The following TEX11 variants were observed in gnomAD, a reference collection of about 807,000 sequenced individuals.
The protein encoded by TEX11 is testis expressed 11.
A neutral mutation model predicts 84.4 loss-of-function variants in TEX11; 7 were observed. The ratio of observed to expected loss-of-function variants is 0.08; its 90% CI spans 0.05 to 0.16. TEX11 has a LOEUF of 0.16. Among genes scored for constraint, TEX11 ranks in the 10% least tolerant of loss-of-function variants. The probability of loss-of-function intolerance (pLI) is 1.00; values close to 1 mark genes in which losing one functional copy is unlikely to be tolerated. For synonymous variants in TEX11, 264 were observed against 222.8 expected, an observed-to-expected ratio of 1.18 and a Z score of -1.64; for missense variants, 551 against 660.5, an observed-to-expected ratio of 0.83 and a Z score of 1.82.
intron 8 of TEX11, among the ~76,000 whole-genome samples, chrX:70,819,563 T>C (rs957199405): frequency 3.6e-5 from 4 of 110,606 alleles, no homozygotes; most frequent in African/African-American, 9.9e-5. Flanking sequence ...CTATTCAACA[T>C]AGTACTAGAA....
chrX:70,622,608 G>T (rs2089408116), intron 20 of TEX11, among the ~76,000 whole-genome samples: 1 of 111,626 alleles, frequency 9.0e-6, no homozygotes, highest in African/African-American at 3.3e-5. Context: ...TATAGTCCTA[G>T]CCCTAAAGGT....
chrX:70,613,362 G>A (rs1051197521), intron 20 of TEX11, among the ~76,000 whole-genome samples: 6 of 111,859 alleles, frequency 5.4e-5, no homozygotes, highest in Non-Finnish European at 9.4e-5. Context: ...GCTGCCTGGT[G>A]CAGAGAAATC....
At chrX:70,758,104 C>A (rs1044496804) in intron 9 of TEX11, among the ~76,000 whole-genome samples, 1 of 111,707 alleles carries the variant, frequency 9.0e-6, no homozygotes, top group Admixed American at 9.5e-5. Flanking sequence ...CCCAATACAG[C>A]AGCACCCAGA....
At chrX:70,663,462 G>A (rs943520799) in intron 16 of TEX11, among the ~76,000 whole-genome samples, 3 of 111,367 alleles carry the variant, frequency 2.7e-5, no homozygotes, top group African/African-American at 9.8e-5. Context: ...CGTGTTTCTC[G>A]TAAATCTTCC....
chrX:70,645,831 A>C (rs1248609453), intron 17 of TEX11, among the ~76,000 whole-genome samples: 3 of 111,149 alleles, frequency 2.7e-5, no homozygotes, highest in African/African-American at 9.8e-5. Flanking sequence ...AATATTGTTA[A>C]ATGTCCATAC....
intron 13 of TEX11, among the ~76,000 whole-genome samples, chrX:70,699,631 G>T (rs1354310558): frequency 9.0e-6 from 1 of 111,597 alleles, no homozygotes; most frequent in African/African-American, 3.3e-5. Flanking sequence ...TTAAAGAGAA[G>T]CACCAAAATG....
intron 8 of TEX11, among the ~76,000 whole-genome samples, chrX:70,821,737 C>G (rs2091319065): frequency 8.9e-6 from 1 of 112,014 alleles, no homozygotes; most frequent in Non-Finnish European, 1.9e-5. Context: ...TCACCTCACA[C>G]CTGTTTGTAT....
At chrX:70,594,212 T>C (rs963698581) in intron 24 of TEX11, among the ~76,000 whole-genome samples, 1 of 111,532 alleles carries the variant, frequency 9.0e-6, no homozygotes, top group Admixed American at 9.6e-5. Flanking sequence ...TGGGACAACA[T>C]ATCCAAAGTG....
At chrX:70,864,504 G>A (rs1347815778) in intron 4 of TEX11, among the ~76,000 whole-genome samples, 2 of 109,363 alleles carry the variant, frequency 1.8e-5, no homozygotes, top group East Asian at 2.9e-4. Flanking sequence ...TTGGGAGGCC[G>A]AGGTGGGCGG....
intron 1 of TEX11, among the ~76,000 whole-genome samples, chrX:70,908,146 C>A (rs777659440): frequency 1.8e-5 from 2 of 111,793 alleles, no homozygotes; most frequent in African/African-American, 6.5e-5. Flanking sequence ...CAATCACTCA[C>A]GGTCCTTTTT....
chrX:70,629,360 T>C (rs1444241988), intron 18 of TEX11, among the ~76,000 whole-genome samples: 1 of 112,204 alleles, frequency 8.9e-6, no homozygotes. Flanking sequence ...TTTAAAAAAT[T>C]AATGTTTTGC....
At chrX:70,762,870 CA>C (rs2090917837) in intron 9 of TEX11, among the ~76,000 whole-genome samples, 1 of 110,176 alleles carries the variant, frequency 9.1e-6, no homozygotes, top group Non-Finnish European at 1.9e-5. Flanking sequence ...CCCATCTCTA[CA>C]AAAAATACAA....
At chrX:70,578,083 C>G (rs2088704141) in intron 25 of TEX11, among the ~76,000 whole-genome samples, 1 of 111,844 alleles carries the variant, frequency 8.9e-6, no homozygotes, top group African/African-American at 3.2e-5. Flanking sequence ...CTTGACAGGG[C>G]CAGGTAAATT....
intron 2 of TEX11, among the ~76,000 whole-genome samples, chrX:70,901,298 T>C (rs2091802284): frequency 8.9e-6 from 1 of 111,959 alleles, no homozygotes. Context: ...CAGTCTTAGC[T>C]ATATTATTAT....
At chrX:70,612,280 C>A (rs1229219481) in intron 20 of TEX11, among the ~76,000 whole-genome samples, 1 of 111,327 alleles carries the variant, frequency 9.0e-6, no homozygotes, top group Admixed American at 9.6e-5. Flanking sequence ...AGAAGGCATA[C>A]TAAAAGGCAG....
At position 70,656,230 on chromosome X, in the gene TEX11, C is replaced by T. The variant is rs141517819; in HGVS notation, c.1381-4678G>A. ...TCTGAGTCCAGGAGTTTGAGACCAG[C>T]TTGGGCAACATAGTAAGACCCCCGT... On this transcript the variant is annotated intron_variant, in intron 16 of 29. Transcript: ENST00000374333. 3.5e-3 allele frequency among the ~76,000 whole-genome samples: 365 copies of T among 104,349 alleles called. 1 individual carries two copies. Among genetic ancestry groups the T allele is most frequent in the African/African-American group, 0.011 (334 of 29,485 alleles). The allele number at this position is 104,349 out of a possible 115,157, so 90.6% of individuals were successfully genotyped here. A position where few individuals can be genotyped will look rare whatever the true frequency, so the allele number is the denominator to read the frequency against.
chrX:70,892,864 C>T (rs749459027), intron 2 of TEX11, among the ~76,000 whole-genome samples: 11 of 109,823 alleles, frequency 1.0e-4, no homozygotes, highest in Non-Finnish European at 1.7e-4. Flanking sequence ...GGGTTATTTA[C>T]CAAGCAAATG....
chrX:70,736,022 T>C (rs886363347), intron 11 of TEX11, among the ~76,000 whole-genome samples: 3 of 111,616 alleles, frequency 2.7e-5, no homozygotes, highest in Non-Finnish European at 3.8e-5. Flanking sequence ...ACAACAGATA[T>C]ATGATTTGCA....
chrX:70,842,129 T>C (rs1173335102), intron 7 of TEX11, among the ~76,000 whole-genome samples: 1 of 111,078 alleles, frequency 9.0e-6, no homozygotes. Flanking sequence ...TAACTCATTT[T>C]ATGAGGCCAG....
Sources: allele counts gnomAD v4.1 joint callset (sites outside exome capture counted in the v4.1 genomes callset), GRCh38; gene constraint gnomAD v4.1.1; transcripts MANE v1.5; gene names NCBI Gene and HGNC (gene_info 2026-07-23, HGNC 2026-07-21).